The following CNBD1 variants were observed in gnomAD, a reference collection of about 807,000 sequenced individuals.
CNBD1 encodes the protein cyclic nucleotide-binding domain-containing protein 1.
In CNBD1, 71 loss-of-function variants were observed where a neutral mutation model predicts 54.4. The ratio of observed to expected loss-of-function variants is 1.30; its 90% CI spans 1.08 to 1.59. The LOEUF is 1.59. Ranked by LOEUF, CNBD1 falls within the 40% of genes most tolerant of loss-of-function variation. The probability of loss-of-function intolerance (pLI) is 0.00; values close to 1 mark genes in which losing one functional copy is unlikely to be tolerated. For synonymous variants in CNBD1, 182 were observed against 170.7 expected, an observed-to-expected ratio of 1.07 and a Z score of -0.51; for missense variants, 659 against 518.0, an observed-to-expected ratio of 1.27 and a Z score of -2.64.
intron 6 of CNBD1, among the ~76,000 whole-genome samples, chr8:87,255,902 T>A (rs1364482705): frequency 8.1e-6 from 1 of 122,740 alleles, no homozygotes. Flanking sequence ...TTAAATAAAA[T>A]AAGACAAAAA....
In CNBD1 at chr8:87,228,560, A is replaced by G. The variant is rs1185355564; in HGVS notation, c.578-8359A>G. On this transcript the variant is annotated intron_variant, in intron 5 of 10. Transcript: ENST00000518476. ...CTCCCAGTTAGGCTGCTCGGGGGTC[A>G]GGGGTCAGGGACCCACTTGAGGAGG... Among the ~76,000 whole-genome samples the G allele has an allele frequency of 2.7e-5, 4 of 150,064 alleles. No individual in the cohort carries two copies. In the East Asian group the frequency reaches 7.7e-4, roughly 29 times the overall value.
At chr8:87,354,488 G>A (rs910118196) in intron 10 of CNBD1, among the ~76,000 whole-genome samples, 1 of 151,888 alleles carries the variant, frequency 6.6e-6, no homozygotes, top group Non-Finnish European at 1.5e-5. Context: ...CATGTGCCAT[G>A]TTGGTGTGCT....
rs758082032 is a variant in CNBD1 at position 87,274,889 on chromosome 8, G to C, written c.772-9789G>C. On this transcript the variant is annotated intron_variant, in intron 6 of 10. Transcript: ENST00000518476. Reference sequence around the variant, plus strand: ...TAATTTTAGCCTAGGTTTTCTTCTAGGGTTTTTATGGTTTTAGGTGTAACG... The same window carrying C: ...TAATTTTAGCCTAGGTTTTCTTCTACGGTTTTTATGGTTTTAGGTGTAACG... Among the ~76,000 whole-genome samples, 10 of 134,356 alleles carry C rather than the reference G, an allele frequency of 7.4e-5. 1 individual carries two copies. Among genetic ancestry groups the C allele is most frequent in the Non-Finnish European group, 1.3e-4 (8 of 62,732 alleles). The allele number at this position is 134,356 out of a possible 152,430, so 88.1% of individuals were successfully genotyped here. A position where few individuals can be genotyped will look rare whatever the true frequency, so the allele number is the denominator to read the frequency against.
At chr8:86,927,344 G>T (rs946814647) in intron 3 of CNBD1, among the ~76,000 whole-genome samples, 1 of 152,252 alleles carries the variant, frequency 6.6e-6, no homozygotes, top group South Asian at 2.1e-4. Flanking sequence ...GGGTCCAGGG[G>T]TGAATGGTCA....
intron 4 of CNBD1, among the ~76,000 whole-genome samples, chr8:87,153,278 TATATC>T (rs1301920315): frequency 2.6e-5 from 4 of 152,292 alleles, no homozygotes; most frequent in Non-Finnish European, 4.4e-5. Context: ...TCTGAAGAAA[TATATC>T]AGACTGCCAT....
At chr8:87,332,254 A>T (rs1809850800) in intron 8 of CNBD1, among the ~76,000 whole-genome samples, 1 of 151,946 alleles carries the variant, frequency 6.6e-6, no homozygotes, top group Admixed American at 6.6e-5. Context: ...AGGCTGAGTC[A>T]GGAGAATCGC....
chr8:87,387,315 T>G (rs1477061145), downstream of CNBD1, among the ~76,000 whole-genome samples: 1 of 151,948 alleles, frequency 6.6e-6, no homozygotes, highest in Non-Finnish European at 1.5e-5. Flanking sequence ...ACTGGCAAAT[T>G]GGATAAAGAG....
intron 4 of CNBD1, among the ~76,000 whole-genome samples, chr8:86,986,764 C>T (rs2130519224): frequency 6.6e-6 from 1 of 152,194 alleles, no homozygotes; most frequent in African/African-American, 2.4e-5. Context: ...ATATGTTGAA[C>T]AGGATGTTCT....
At position 87,380,460 on chromosome 8, in the gene CNBD1, A is replaced by G. The variant is rs536818712; in HGVS notation, c.1304-2160A>G. Among the ~76,000 whole-genome samples, 7 of 152,088 alleles carry G rather than the reference A, an allele frequency of 4.6e-5. No homozygotes were observed. In the South Asian group the frequency reaches 1.5e-3, roughly 32 times the overall value. ...TCAAAGCAGGTGGTGTGATGTCTCC[A>G]ACTTCATCCTTCTTTCTGCAGATTG... On this transcript the variant is annotated intron_variant, in intron 10 of 10. Coordinates refer to ENST00000518476, the MANE Select transcript of CNBD1 (RefSeq NM_173538.3).
At chr8:87,413,085 T>C (rs1208796677) in intron 2 of CNBD1, among the ~76,000 whole-genome samples, 1 of 152,008 alleles carries the variant, frequency 6.6e-6, no homozygotes, top group Non-Finnish European at 1.5e-5. Flanking sequence ...CAAGGGGCTC[T>C]CAATTGTACC....
chr8:87,225,105 CTT>C (rs1355362903), intron 5 of CNBD1, among the ~76,000 whole-genome samples: 1 of 150,880 alleles, frequency 6.6e-6, no homozygotes, highest in Non-Finnish European at 1.5e-5. Flanking sequence ...TATCCTGAGA[CTT>C]TGCTGAAGTT....
At chr8:86,935,229 G>T (rs1586145865) in intron 3 of CNBD1, among the ~76,000 whole-genome samples, 1 of 151,894 alleles carries the variant, frequency 6.6e-6, no homozygotes, top group African/African-American at 2.4e-5. Flanking sequence ...GTAGAGACAG[G>T]GTTTCACTGT....
At chr8:87,049,640 CT>C (rs1810272696) in intron 4 of CNBD1, among the ~76,000 whole-genome samples, 1 of 152,162 alleles carries the variant, frequency 6.6e-6, no homozygotes, top group Non-Finnish European at 1.5e-5. Flanking sequence ...GTACTACTAT[CT>C]GTTCACAATC....
rs376391972 is a variant in CNBD1 at position 87,029,935 on chromosome 8, C to T, written c.431+90181C>T. Among the ~76,000 whole-genome samples the T allele has an allele frequency of 9.2e-5, 14 of 152,184 alleles. No homozygotes were observed. In the East Asian group the frequency reaches 2.5e-3, roughly 27 times the overall value. Reference sequence around the variant, plus strand: ...GACAGGCACATATACGTGTGTTCAGCATTTTATATAGTAATGAAGTCACAA... The same window carrying T: ...GACAGGCACATATACGTGTGTTCAGTATTTTATATAGTAATGAAGTCACAA... On this transcript the variant is annotated intron_variant, in intron 4 of 10. Transcript: ENST00000518476.
At chr8:86,869,714 A>T (rs915767794) in intron 1 of CNBD1, among the ~76,000 whole-genome samples, 1 of 152,336 alleles carries the variant, frequency 6.6e-6, no homozygotes, top group African/African-American at 2.4e-5. Context: ...GAATTATTTT[A>T]AAAACATCAT....
At chr8:87,419,097 A>G (rs529936795) in intron 2 of CNBD1, among the ~76,000 whole-genome samples, 17 of 101,068 alleles carry the variant, frequency 1.7e-4, no homozygotes, top group African/African-American at 9.6e-4. Context: ...TCCATATTAT[A>G]TGTATATATA....
intron 4 of CNBD1, among the ~76,000 whole-genome samples, chr8:87,028,754 G>A (rs1329157459): frequency 6.6e-6 from 1 of 152,190 alleles, no homozygotes; most frequent in East Asian, 1.9e-4. Context: ...TTTTTGAGAA[G>A]CCTAAGTGTT....
intron 4 of CNBD1, among the ~76,000 whole-genome samples, chr8:87,068,901 T>G (rs1810706894): frequency 6.6e-6 from 1 of 152,030 alleles, no homozygotes; most frequent in African/African-American, 2.4e-5. Context: ...TCCAAGACAC[T>G]CTCATACAGA....
intron 6 of CNBD1, among the ~76,000 whole-genome samples, chr8:87,242,800 A>G (rs1807732316): frequency 6.6e-6 from 1 of 152,194 alleles, no homozygotes. Flanking sequence ...AACTTTTTTC[A>G]TAGACAATAA....
Sources: allele counts gnomAD v4.1 joint callset (sites outside exome capture counted in the v4.1 genomes callset), GRCh38; gene constraint gnomAD v4.1.1; transcripts MANE v1.5; gene names NCBI Gene and HGNC (gene_info 2026-07-23, HGNC 2026-07-21).